ANO1: variants seen among roughly 807,000 people sequenced by gnomAD.
ANO1 encodes anoctamin-1.
In ANO1, 59 loss-of-function variants were observed where a neutral mutation model predicts 124.0. That is an observed-to-expected ratio of 0.48 (90% CI 0.39 to 0.59). ANO1 has a LOEUF of 0.59. Ranked by LOEUF, ANO1 falls within the 20% of genes least tolerant of loss-of-function variation. ANO1 has a pLI of 0.00. For synonymous variants in ANO1, 529 were observed against 532.0 expected (o/e 0.99, Z 0.08); for missense variants, 1,059 against 1,328.0 (o/e 0.80, Z 3.15).
rs2049269782 is a variant in ANO1 at position 70,189,242 on chromosome 11, TGAA to T, written c.*1241_*1243del. ...AGGAAAAATAGAAATAAATTTGTCT[TGAA>T]GATCTCATTGATGTGATGTTACATT... On this transcript the variant is annotated 3_prime_UTR_variant, in exon 26 of 26. Transcript: ENST00000355303. The T allele has an allele frequency of 1.3e-5, 2 of 152,628 alleles. No individual in the cohort carries two copies. The allele number at this position is 152,628 out of a possible 1,614,324, so 9.5% of individuals were successfully genotyped here. A position where few individuals can be genotyped will look rare whatever the true frequency, so the allele number is the denominator to read the frequency against.
intron 1 of ANO1, among the ~76,000 whole-genome samples, chr11:70,047,589 A>G (rs1348941159): frequency 1.3e-5 from 2 of 152,246 alleles, no homozygotes; most frequent in East Asian, 3.8e-4. Flanking sequence ...TTGGATCTCT[A>G]AAGAGTTTCT....
intron 1 of ANO1, among the ~76,000 whole-genome samples, chr11:70,019,844 A>G (rs782295340): frequency 6.6e-6 from 1 of 152,204 alleles, no homozygotes; most frequent in Non-Finnish European, 1.5e-5. Flanking sequence ...GATCACTGAA[A>G]TGTCCAGTCC....
chr11:70,003,290 G>A lies in ANO1; in HGVS notation c.58+17124G>A, dbSNP rs77105846. 1.2e-3 allele frequency among the ~76,000 whole-genome samples: 181 copies of A among 152,286 alleles called. No homozygotes were observed. In the East Asian group the frequency reaches 0.033, roughly 28 times the overall value. ...GAGAAATCCACATTATAGGATCTGA[G>A]ATGCTCATCAAACAGGCAAAATCGG... is the stretch of plus-strand genomic sequence containing the variant. On this transcript the variant is annotated intron_variant, in intron 1 of 27. Transcript: ENST00000531349.
At chr11:70,125,091 G>A (rs894795993) in intron 9 of ANO1, among the ~76,000 whole-genome samples, 9 of 151,428 alleles carry the variant, frequency 5.9e-5, no homozygotes, top group Admixed American at 1.3e-4. Context: ...GCCTGTAATC[G>A]CAGCACTTTG....
chr11:70,179,731 G>C (rs916422531), intron 22 of ANO1, among the ~76,000 whole-genome samples: 18 of 152,240 alleles, frequency 1.2e-4, no homozygotes, highest in Admixed American at 1.3e-4. Context: ...AGGTGCATGG[G>C]GAGATTGTGC....
chr11:70,001,130 T>A (rs1340669597), intron 1 of ANO1, among the ~76,000 whole-genome samples: 1 of 152,238 alleles, frequency 6.6e-6, no homozygotes, highest in African/African-American at 2.4e-5. Context: ...TTCTGGAGGC[T>A]GCTCCTGGGA....
chr11:70,100,068 C>G (rs754347017), intron 2 of ANO1, among the ~76,000 whole-genome samples: 18 of 152,280 alleles, frequency 1.2e-4, no homozygotes, highest in Non-Finnish European at 2.4e-4. Context: ...GTCCCCACGC[C>G]GCACATTCTC....
chr11:70,140,860 T>C (rs2047129867), intron 11 of ANO1, among the ~76,000 whole-genome samples: 2 of 152,146 alleles, frequency 1.3e-5, no homozygotes, highest in Admixed American at 6.5e-5. Context: ...TATCAATCTG[T>C]CCCTTAATGT....
At chr11:70,145,059 G>C (rs923978248) in intron 11 of ANO1, among the ~76,000 whole-genome samples, 2 of 152,178 alleles carry the variant, frequency 1.3e-5, no homozygotes, top group African/African-American at 2.4e-5. Flanking sequence ...ACCCTCGGAG[G>C]GCAGGAATCG....
chr11:70,165,670 C>A (rs2048230174), intron 20 of ANO1, 100 bp downstream of exon 20: 9 of 908,806 alleles, frequency 9.9e-6, no homozygotes, highest in Non-Finnish European at 1.5e-5. Flanking sequence ...GGGCCTCAAC[C>A]AAGATGGGGG....
intron 16 of ANO1, among the ~76,000 whole-genome samples, chr11:70,159,297 C>A (rs1338528581): frequency 6.6e-6 from 1 of 152,142 alleles, no homozygotes; most frequent in African/African-American, 2.4e-5. Flanking sequence ...TCGCAGAAGA[C>A]CCACCACACC....
upstream of ANO1, among the ~76,000 whole-genome samples, chr11:69,984,196 A>G (rs1554996585): frequency 6.6e-6 from 1 of 152,204 alleles, no homozygotes. Flanking sequence ...TCAGATGGAA[A>G]AGTTCTGTGA....
the ANO1 span, among the ~76,000 whole-genome samples, chr11:69,974,887 TAAAAAAA>T: frequency 7.8e-6 from 1 of 127,650 alleles, no homozygotes. Context: ...CCTCCGTCTC[TAAAAAAA>T]AAAAAAAAAA....
chr11:69,974,116 C>T, the ANO1 span, among the ~76,000 whole-genome samples: 1 of 151,766 alleles, frequency 6.6e-6, no homozygotes, highest in Non-Finnish European at 1.5e-5. Context: ...GACAGGAGTT[C>T]GAGACCAGCC....
chr11:70,124,118 G>C (rs556963252), intron 8 of ANO1, among the ~76,000 whole-genome samples: 4 of 152,148 alleles, frequency 2.6e-5, no homozygotes, highest in African/African-American at 9.7e-5. Context: ...GCCGTACAGC[G>C]TCTGGCCCAT....
intron 2 of ANO1, among the ~76,000 whole-genome samples, chr11:70,091,344 CAG>C (rs1314659113): frequency 2.6e-5 from 4 of 152,218 alleles, no homozygotes; most frequent in African/African-American, 4.8e-5. Flanking sequence ...GAAAAATCCA[CAG>C]AGTCTATCAG....
intron 10 of ANO1, among the ~76,000 whole-genome samples, chr11:70,127,951 A>G (rs2046589204): frequency 6.6e-6 from 1 of 152,224 alleles, no homozygotes; most frequent in Non-Finnish European, 1.5e-5. Flanking sequence ...GAAAAGCCCT[A>G]AAATGTTAGT....
intron 1 of ANO1, among the ~76,000 whole-genome samples, chr11:70,027,110 C>T (rs1417512903): frequency 2.0e-5 from 3 of 152,176 alleles, no homozygotes; most frequent in African/African-American, 7.2e-5. Context: ...TTGCCTGCTT[C>T]GTCTCTCTTC....
At chr11:70,084,486 T>C (rs1283810540) in intron 1 of ANO1, among the ~76,000 whole-genome samples, 1 of 152,134 alleles carries the variant, frequency 6.6e-6, no homozygotes, top group Non-Finnish European at 1.5e-5. Flanking sequence ...GCAGAGACCA[T>C]CATCCCCTCA....
Sources: gnomAD v4.1 joint callset for allele counts (sites outside exome capture counted in the v4.1 genomes callset) on GRCh38, gnomAD v4.1.1 for gene constraint, MANE v1.5 for transcripts, NCBI Gene and HGNC (gene_info 2026-07-23, HGNC 2026-07-21) for gene names.